The following IGSF21 variants were observed in gnomAD, a reference collection of about 807,000 sequenced individuals.
IGSF21 encodes the protein immunoglobulin superfamily member 21.
IGSF21 carries 28 observed loss-of-function variants against 46.8 expected under a neutral mutation model. That is an observed-to-expected ratio of 0.60 (90% CI 0.44 to 0.82). IGSF21 has a LOEUF of 0.82. Ranked by LOEUF, IGSF21 falls within the 40% of genes least tolerant of loss-of-function variation. IGSF21 has a pLI of 0.00. For missense variants in IGSF21, 624 were observed against 665.5 expected (o/e 0.94, Z 0.69); for synonymous variants, 284 against 273.6 (o/e 1.04, Z -0.38).
rs991284701 is a variant in IGSF21 at position 18,175,776 on chromosome 1, C to T, written c.71-52122C>T. Among the ~76,000 whole-genome samples, 85 of 152,224 alleles carry T rather than the reference C, an allele frequency of 5.6e-4. 1 individual carries two copies. The highest frequency in any genetic ancestry group is 1.8e-3 in the African/African-American group (76 of 41,452). On this transcript the variant is annotated intron_variant, in intron 1 of 9. Coordinates refer to ENST00000251296, the MANE Select transcript of IGSF21 (RefSeq NM_032880.5). ...GAGCTAATGAGCCAGAGCCATGTTC[C>T]CTCCGCCTCCAAAAGCCCAGAGCAA...
chr1:18,372,618 T>TTGGATCGATGGATAGA (rs1553167509), intron 6 of IGSF21, among the ~76,000 whole-genome samples: 3,162 of 85,838 alleles, frequency 0.037, 107 homozygotes, highest in African/African-American at 0.11. Flanking sequence ...GGGTGGATGT[T>TTGGATCGATGGATAGA]TGGATGGATG....
intron 1 of IGSF21, among the ~76,000 whole-genome samples, chr1:18,176,763 C>A (rs535667366): frequency 2.0e-5 from 3 of 152,142 alleles, no homozygotes; most frequent in Admixed American, 6.5e-5. Context: ...CCCAAGGAAA[C>A]AATGTTACAA....
At chr1:18,320,671 A>C (rs1220796981) in intron 3 of IGSF21, among the ~76,000 whole-genome samples, 4 of 152,242 alleles carry the variant, frequency 2.6e-5, no homozygotes, top group Non-Finnish European at 5.9e-5. Flanking sequence ...CAAAAGACAG[A>C]CAGTGAGAGA....
chr1:18,356,739 G>T (rs1428709129), intron 4 of IGSF21, among the ~76,000 whole-genome samples: 1 of 152,190 alleles, frequency 6.6e-6, no homozygotes, highest in Non-Finnish European at 1.5e-5. Flanking sequence ...TGGTATTGGG[G>T]TTGGGGATGG....
At chr1:18,213,846 G>T (rs988567574) in intron 1 of IGSF21, among the ~76,000 whole-genome samples, 1 of 152,164 alleles carries the variant, frequency 6.6e-6, no homozygotes, top group African/African-American at 2.4e-5. Flanking sequence ...CCCAGGATCT[G>T]CTGCCTAAGG....
intron 1 of IGSF21, among the ~76,000 whole-genome samples, chr1:18,119,158 T>G (rs2086211971): frequency 6.6e-6 from 1 of 152,200 alleles, no homozygotes; most frequent in Admixed American, 6.5e-5. Flanking sequence ...CCCTCCTTCC[T>G]TCCTTCTCTG....
Position 18,279,393 on chromosome 1 carries a change from T to C in IGSF21, c.184-12473T>C, listed in dbSNP as rs575971070. Reference sequence around the variant, plus strand: ...ATAGTGGGGACACAGTAACTCTTTGTGGAATGAAGGAAGCAATGAGTAGGG... The same window carrying C: ...ATAGTGGGGACACAGTAACTCTTTGCGGAATGAAGGAAGCAATGAGTAGGG... On this transcript the variant is annotated intron_variant, in intron 2 of 9. Coordinates refer to ENST00000251296, the MANE Select transcript of IGSF21 (RefSeq NM_032880.5). Among the ~76,000 whole-genome samples, 211 of 152,330 alleles carry C rather than the reference T, an allele frequency of 1.4e-3. 1 individual carries two copies. The highest frequency in any genetic ancestry group is 4.6e-3 in the African/African-American group (190 of 41,560).
intron 1 of IGSF21, among the ~76,000 whole-genome samples, chr1:18,127,394 C>T (rs2086282734): frequency 6.6e-6 from 1 of 152,002 alleles, no homozygotes; most frequent in African/African-American, 2.4e-5. Context: ...TATGACCTGT[C>T]AGTTTCAATA....
At chr1:18,181,045 G>A (rs954173911) in intron 1 of IGSF21, among the ~76,000 whole-genome samples, 4 of 152,150 alleles carry the variant, frequency 2.6e-5, no homozygotes, top group Admixed American at 6.5e-5. Flanking sequence ...TCCCTGCATC[G>A]GGCAGGGCTG....
At chr1:18,303,280 G>A (rs1001119799) in intron 3 of IGSF21, among the ~76,000 whole-genome samples, 2 of 152,172 alleles carry the variant, frequency 1.3e-5, no homozygotes, top group African/African-American at 2.4e-5. Context: ...CAACCATCCT[G>A]TGCAGTGCAG....
chr1:18,209,274 C>T (rs577630456), intron 1 of IGSF21, among the ~76,000 whole-genome samples: 89 of 152,260 alleles, frequency 5.8e-4, no homozygotes, highest in African/African-American at 2.1e-3. Context: ...ATGATTCCTG[C>T]TTAATAGATA....
chr1:18,372,618 T>TTGGATCGATGGATAGATGGATGGA, intron 6 of IGSF21, among the ~76,000 whole-genome samples: 2 of 85,978 alleles, frequency 2.3e-5, no homozygotes, highest in African/African-American at 7.6e-5. Context: ...GGGTGGATGT[T>TTGGATCGATGGATAGATGGATGGA]TGGATGGATG....
intron 1 of IGSF21, among the ~76,000 whole-genome samples, chr1:18,154,411 A>G (rs971134368): frequency 1.3e-5 from 2 of 151,672 alleles, no homozygotes; most frequent in African/African-American, 4.8e-5. Flanking sequence ...AGGTCTTCAG[A>G]CTCAGTAAAG....
chr1:18,372,075 A>G (rs2086230265), intron 6 of IGSF21, among the ~76,000 whole-genome samples: 2 of 152,196 alleles, frequency 1.3e-5, no homozygotes, highest in African/African-American at 4.8e-5. Context: ...ACCTCAACCA[A>G]ACTCTGCGCA....
intron 3 of IGSF21, among the ~76,000 whole-genome samples, chr1:18,296,707 C>T (rs1173343091): frequency 6.6e-6 from 1 of 152,196 alleles, no homozygotes; most frequent in Non-Finnish European, 1.5e-5. Context: ...CCTGAACCCC[C>T]TCCCCATGGA....
At chr1:18,304,367 G>A (rs1248375789) in intron 3 of IGSF21, among the ~76,000 whole-genome samples, 1 of 152,180 alleles carries the variant, frequency 6.6e-6, no homozygotes, top group African/African-American at 2.4e-5. Context: ...AAATATGGGA[G>A]CCACCAACAC....
intron 1 of IGSF21, among the ~76,000 whole-genome samples, chr1:18,210,322 A>T (rs774404022): frequency 2.4e-4 from 36 of 152,220 alleles, no homozygotes; most frequent in Non-Finnish European, 4.6e-4. Context: ...GCATCCTAAC[A>T]GAGTGACTGT....
chr1:18,300,827 G>A (rs2085353555), intron 3 of IGSF21, among the ~76,000 whole-genome samples: 1 of 152,054 alleles, frequency 6.6e-6, no homozygotes, highest in Non-Finnish European at 1.5e-5. Context: ...AATTAGGAAA[G>A]GGGGGCCCCC....
rs1470050882 is a variant in IGSF21 at position 18,210,526 on chromosome 1, G to A, written c.71-17372G>A. On this transcript the variant is annotated intron_variant, in intron 1 of 9. Transcript: ENST00000251296. ...CCAGTAATCCATACTTCCAGCTTTC[G>A]ACGGCCGGTCCTGGTGTTGGAGACT... 6.6e-5 allele frequency among the ~76,000 whole-genome samples: 10 copies of A among 152,302 alleles called. No individual in the cohort carries two copies. The South Asian group carries it at 1.9e-3, about 28-fold the overall frequency.
Sources: gnomAD v4.1 joint callset for allele counts (sites outside exome capture counted in the v4.1 genomes callset) on GRCh38, gnomAD v4.1.1 for gene constraint, MANE v1.5 for transcripts, NCBI Gene and HGNC (gene_info 2026-07-23, HGNC 2026-07-21) for gene names.